SEC13: variants seen among roughly 807,000 people sequenced by gnomAD.
SEC13 encodes the protein protein SEC13 homolog.
SEC13 carries 25 observed loss-of-function variants against 49.2 expected under a neutral mutation model. That is an observed-to-expected ratio of 0.51 (90% confidence interval 0.37 to 0.71). The LOEUF (loss-of-function observed/expected upper bound fraction) is 0.71. Among genes scored for constraint, SEC13 ranks in the 30% least tolerant of loss-of-function variants. The pLI, the probability that SEC13 is intolerant of heterozygous loss-of-function variation, is 0.00. For synonymous variants in SEC13, 148 were observed against 163.9 expected (o/e 0.90, Z 0.74); for missense variants, 383 against 417.6 (o/e 0.92, Z 0.72).
intron 1 of SEC13, chr3:10,320,737 G>A: frequency 1.6e-6 from 2 of 1,228,356 alleles, no homozygotes; most frequent in Non-Finnish European, 1.0e-6. Flanking sequence ...ACAATGCTGA[G>A]GGCTCGGTAT....
At chr3:10,319,466 G>A in intron 1 of SEC13, 2 of 530,458 alleles carry the variant, frequency 3.8e-6, no homozygotes, top group Non-Finnish European at 6.5e-6. Flanking sequence ...GAAGCCCAGA[G>A]AAGAGAAAGC....
In SEC13 at chr3:10,301,218, G is replaced by A; in HGVS notation, c.*43C>T. ...TGGTTAGTTGGCCCAGGAAGGGGCA[G>A]TCCTGGAGCTGGCGGGTGGGGAGCC... On this transcript the variant is annotated 3_prime_UTR_variant, in exon 9 of 9. Coordinates refer to ENST00000350697, the MANE Select transcript of SEC13 (RefSeq NM_183352.3). The A allele has an allele frequency of 6.2e-7, 1 of 1,614,164 alleles. No individual in the cohort carries two copies. The highest frequency in any genetic ancestry group is 2.2e-5 in the East Asian group (1 of 44,882).
chr3:10,311,855 C>CAG, intron 5 of SEC13, 110 bp downstream of exon 5: 26 of 1,601,212 alleles, frequency 1.6e-5, no homozygotes, highest in Non-Finnish European at 2.2e-5. Context: ...TGACCACTCC[C>CAG]CGGCCCACTG....
Position 10,317,014 on chromosome 3 carries a change from A to G in SEC13, c.48+1036T>C, listed in dbSNP as rs1574891743. 2.0e-5 allele frequency among the ~76,000 whole-genome samples: 3 copies of G among 152,088 alleles called. No homozygotes were observed. The East Asian group carries it at 5.8e-4, about 29-fold the overall frequency. On this transcript the variant is annotated intron_variant, in intron 2 of 8. Transcript: ENST00000350697. ...GAAACTCCATCTCAAAAAAAAAAAA[A>G]AAAAAAAAGAAAAGTACTTAGCATG...
In SEC13 at chr3:10,312,685, G is replaced by A. The variant is rs764430578; in HGVS notation, c.210C>T (p.Tyr70=). The change falls in exon 4 of 9, where the codon TAC becomes TAT. Residue 70 remains tyrosine (Y), a synonymous_variant. Coordinates refer to ENST00000350697, the MANE Select transcript of SEC13 (RefSeq NM_183352.3). ...AGGAGCACGATGCCAGGATGTTGCC[G>A]TACATGGGGTGAGCCCAGGCCACTT... The part of the protein sequence containing the change: ...VWQVAWAHPM[Y]GNILASCSYD... The A allele has an allele frequency of 8.1e-6, 13 of 1,614,170 alleles. No homozygotes were observed. The highest frequency in any genetic ancestry group is 1.1e-5 in the South Asian group (1 of 91,080).
intron 5 of SEC13, 191 bp downstream of exon 5, chr3:10,311,774 C>A (rs1245579078): frequency 7.0e-7 from 1 of 1,436,160 alleles, no homozygotes; most frequent in East Asian, 2.6e-5. Flanking sequence ...GAAGCAGTGC[C>A]AAGCCCTGCC....
chr3:10,303,067 G>A (rs566476101), intron 8 of SEC13, among the ~76,000 whole-genome samples: 1 of 152,126 alleles, frequency 6.6e-6, no homozygotes, highest in East Asian at 1.9e-4. Context: ...AATGGGTACA[G>A]AGTTTCAATT....
intron 7 of SEC13, 34 bp from the exon 8 acceptor site, chr3:10,304,206 G>C (rs747747863): frequency 1.2e-6 from 2 of 1,610,154 alleles, no homozygotes; most frequent in South Asian, 1.1e-5. Flanking sequence ...AGGAGGTGGA[G>C]TCAAGACTCC....
At chr3:10,303,878 A>ATG (rs1700695553) in intron 8 of SEC13, 148 bp downstream of exon 8, 1 of 758,814 alleles carries the variant, frequency 1.3e-6, no homozygotes, top group East Asian at 2.7e-5. Flanking sequence ...GACATTAATG[A>ATG]TGTAACTAAG....
intron 8 of SEC13, among the ~76,000 whole-genome samples, chr3:10,302,495 G>A (rs1019525473): frequency 3.3e-5 from 5 of 152,298 alleles, no homozygotes; most frequent in Admixed American, 2.0e-4. Flanking sequence ...ACAACACTGC[G>A]TGCACAGCCA....
chr3:10,312,091 C>T lies in SEC13; in HGVS notation c.324G>A (p.Ser108=), dbSNP rs546618401. ...EHAGHDSSVN[S]VCWAPHDYGL... ...CGTAGTCATGGGGGGCCCAGCACAC[C>T]GAGTTCACTGCGGGAAGAGGGAGAG... is the stretch of plus-strand genomic sequence containing the variant. The change falls in exon 5 of 9, where the codon TCG becomes TCA. Residue 108 remains serine, a synonymous_variant. Transcript: ENST00000350697. The T allele has an allele frequency of 3.7e-6, 6 of 1,601,432 alleles. No homozygotes were observed. Among genetic ancestry groups the T allele is most frequent in the East Asian group, 2.3e-5 (1 of 44,228 alleles).
chr3:10,318,979 G>A (rs1342938408), intron 1 of SEC13, among the ~76,000 whole-genome samples: 1 of 152,230 alleles, frequency 6.6e-6, no homozygotes, highest in African/African-American at 2.4e-5. Flanking sequence ...CCAGCACAGT[G>A]CTTTGCAAAT....
rs376073337 is a variant in SEC13 at position 10,312,604 on chromosome 3, G to C, written c.291C>G (p.His97Gln). 6.2e-7 allele frequency: 1 copy of C among 1,614,146 alleles called. No homozygotes were observed. Among genetic ancestry groups the C allele is most frequent in the African/African-American group, 1.3e-5 (1 of 75,028 alleles). ...CTGAGGAGTCGTGTCCCGCATGCTCGTGGCTCTTCTCCCAGGTGCCGTTTT... is the reference window on the plus strand; with the variant it reads ...CTGAGGAGTCGTGTCCCGCATGCTCCTGGCTCTTCTCCCAGGTGCCGTTTT... ...REENGTWEKS[H>Q]EHAGHDSSVN... Residue 97 changes from histidine (H) to glutamine (Q), a missense_variant, in exon 4 of 9, where the codon CAC (histidine) becomes CAG (glutamine). Physicochemically the swap from His to Gln is conservative, Grantham distance 24. Transcript: ENST00000350697.
At chr3:10,306,739 G>A (rs1348106593) in intron 5 of SEC13, among the ~76,000 whole-genome samples, 1 of 152,188 alleles carries the variant, frequency 6.6e-6, no homozygotes, top group Non-Finnish European at 1.5e-5. Flanking sequence ...AGTCTCGCTA[G>A]ATCTGACGAT....
intron 1 of SEC13, among the ~76,000 whole-genome samples, chr3:10,319,531 C>A (rs1217867324): frequency 6.6e-6 from 1 of 152,006 alleles, no homozygotes; most frequent in Non-Finnish European, 1.5e-5. Flanking sequence ...GAGCCCCATC[C>A]CCTAACCTTC....
Position 10,321,024 on chromosome 3 carries a change from T to TA in SEC13, c.3+25dup. 1 of 1,611,496 alleles carries TA rather than the reference T, an allele frequency of 6.2e-7. No homozygotes were observed. Among genetic ancestry groups the TA allele is most frequent in the Non-Finnish European group, 8.5e-7 (1 of 1,179,150 alleles). Reference sequence around the variant, plus strand: ...GCCGCGACCGTGGCCTTCACCCTGCTAGGCCTCCTCAGTACCAACACTCAC... The same window carrying TA: ...GCCGCGACCGTGGCCTTCACCCTGCTAAGGCCTCCTCAGTACCAACACTCAC... On this transcript the variant is annotated intron_variant, in intron 1 of 8. Coordinates refer to ENST00000350697, the MANE Select transcript of SEC13 (RefSeq NM_183352.3). The surrounding 1 kb of genome is among the most constrained non-coding windows in gnomAD (Gnocchi z 4.1).
intron 2 of SEC13, among the ~76,000 whole-genome samples, 196 bp from the exon 3 acceptor site, chr3:10,315,632 T>A (rs945545788): frequency 2.0e-5 from 3 of 152,196 alleles, no homozygotes; most frequent in Non-Finnish European, 4.4e-5. Context: ...CTCTCTGAAA[T>A]GGACAAAGCA....
chr3:10,309,410 T>A (rs1373214989), intron 5 of SEC13, among the ~76,000 whole-genome samples: 1 of 152,244 alleles, frequency 6.6e-6, no homozygotes, highest in Non-Finnish European at 1.5e-5. Flanking sequence ...AAAACCTTTT[T>A]ACCTCTTCAT....
At chr3:10,303,804 G>A (rs144062394) in intron 8 of SEC13, 19 of 571,674 alleles carry the variant, frequency 3.3e-5, no homozygotes, top group African/African-American at 2.8e-4. Flanking sequence ...AAGTCAAATC[G>A]CCTCTGTCAG....
Sources: gnomAD v4.1 joint callset for allele counts (sites outside exome capture counted in the v4.1 genomes callset) on GRCh38, gnomAD v4.1.1 for gene constraint, Gnocchi (gnomAD v3.1) non-coding constraint, MANE v1.5 for transcripts, NCBI Gene and HGNC (gene_info 2026-07-23, HGNC 2026-07-21) for gene names.